ZNF469: variants seen among roughly 807,000 people sequenced by gnomAD.
ZNF469 encodes zinc finger protein 469.
ZNF469 carries 1 observed loss-of-function variant against 1.0 expected under a neutral mutation model. The observed-to-expected ratio is 1.00, with a 90% confidence interval of 0.35 to 4.73. ZNF469 has a LOEUF of 4.73. ZNF469 is among the 30% of genes most tolerant of loss of function. The probability of loss-of-function intolerance (pLI) is 0.16; values close to 1 mark genes in which losing one functional copy is unlikely to be tolerated. For missense variants in ZNF469, 6,100 were observed against 5,356.3 expected (o/e 1.14, Z -4.33); for synonymous variants, 2,703 against 2,363.4 (o/e 1.14, Z -4.17).
chr16:88,247,795 G>A, the ZNF469 span, among the ~76,000 whole-genome samples: 1 of 151,992 alleles, frequency 6.6e-6, no homozygotes, highest in African/African-American at 2.4e-5. Context: ...GTGAGTAAAT[G>A]AGTGAATGAG....
chr16:88,184,211 T>G, the ZNF469 span, among the ~76,000 whole-genome samples: 1 of 152,022 alleles, frequency 6.6e-6, no homozygotes, highest in Non-Finnish European at 1.5e-5. Flanking sequence ...CTCAGCTCCG[T>G]GCCAGGGAAG....
intron 1 of ZNF469, among the ~76,000 whole-genome samples, chr16:88,390,526 C>T (rs1904457173): frequency 6.6e-6 from 1 of 152,252 alleles, no homozygotes; most frequent in Non-Finnish European, 1.5e-5. Flanking sequence ...CACTTGGACA[C>T]AACCTCCAGG....
chr16:88,177,252 G>A, the ZNF469 span: 4 of 152,152 alleles, frequency 2.6e-5, no homozygotes, highest in East Asian at 1.9e-4. The surrounding 1 kb of genome is among the most constrained non-coding windows in gnomAD (Gnocchi z 4.8). Flanking sequence ...TATACACACC[G>A]CGGGCCTGAC....
At chr16:88,418,085 C>A (rs1476100020) in intron 1 of ZNF469, among the ~76,000 whole-genome samples, 1 of 152,214 alleles carries the variant, frequency 6.6e-6, no homozygotes, top group Non-Finnish European at 1.5e-5. Context: ...ATAACAGCTG[C>A]CCCAGCTGGA....
At chr16:88,114,441 G>GGGT in the ZNF469 span, among the ~76,000 whole-genome samples, 78 of 149,774 alleles carry the variant, frequency 5.2e-4, no homozygotes, top group African/African-American at 1.7e-3. Flanking sequence ...GGGGTCTCCG[G>GGGT]GGAGAATGAC....
chr16:88,301,965 T>C, the ZNF469 span, among the ~76,000 whole-genome samples: 1 of 152,180 alleles, frequency 6.6e-6, no homozygotes, highest in Non-Finnish European at 1.5e-5. Context: ...TTGTTACATA[T>C]ACATTGTTGT....
the ZNF469 span, among the ~76,000 whole-genome samples, chr16:88,221,205 T>A: frequency 6.6e-6 from 1 of 152,138 alleles, no homozygotes; most frequent in African/African-American, 2.4e-5. Context: ...GGGCTTCGGG[T>A]AAGGACAGAC....
At chr16:88,289,764 A>T in the ZNF469 span, among the ~76,000 whole-genome samples, 2 of 152,178 alleles carry the variant, frequency 1.3e-5, no homozygotes, top group African/African-American at 2.4e-5. Context: ...CTGGTAACAG[A>T]TGTTAGAAAT....
chr16:88,239,713 ATATTTTTTTTTTTTTTTTT>A, the ZNF469 span, among the ~76,000 whole-genome samples: 3 of 3,994 alleles, frequency 7.5e-4, no homozygotes, highest in African/African-American at 2.2e-3. Flanking sequence ...ATATATATAT[ATATTTTTTTTTTTTTTTTT>A]TTTTTTTTTA....
chr16:88,429,111 G>C lies in ZNF469; in HGVS notation c.1641G>C (p.Leu547=), dbSNP rs1262974640. Residue 547 remains leucine, a synonymous_variant, in exon 3 of 3, where the codon CTG becomes CTC. Transcript: ENST00000565624. ...GCAGCCAGGGCGGCTCCCCAGCACTGTTCACCTACAACGGAATGACAGACC... is the reference window on the plus strand; with the variant it reads ...GCAGCCAGGGCGGCTCCCCAGCACTCTTCACCTACAACGGAATGACAGACC... ...VRSSQGGSPA[L]FTYNGMTDPG... is the part of the protein sequence containing the mutation. 17 of 1,549,984 alleles carry C rather than the reference G, an allele frequency of 1.1e-5. No individual in the cohort carries two copies. The highest frequency in any genetic ancestry group is 1.5e-5 in the Non-Finnish European group (17 of 1,146,876).
the ZNF469 span, among the ~76,000 whole-genome samples, chr16:88,288,217 T>C: frequency 4.6e-5 from 7 of 152,124 alleles, no homozygotes; most frequent in Non-Finnish European, 1.0e-4. Context: ...GCTTCCTAGA[T>C]CCATGCCCTT....
At chr16:88,258,976 C>T in the ZNF469 span, among the ~76,000 whole-genome samples, 1 of 150,896 alleles carries the variant, frequency 6.6e-6, no homozygotes, top group Non-Finnish European at 1.5e-5. Flanking sequence ...AGAAGACACA[C>T]GTGCCTCACC....
chr16:88,384,243 C>T (rs924148043), intron 1 of ZNF469, among the ~76,000 whole-genome samples: 5 of 152,176 alleles, frequency 3.3e-5, no homozygotes. Context: ...GCACAGCACG[C>T]GGTAGTGTCG....
At chr16:88,185,726 A>C in the ZNF469 span, among the ~76,000 whole-genome samples, 1 of 142,974 alleles carries the variant, frequency 7.0e-6, no homozygotes, top group East Asian at 2.1e-4. Flanking sequence ...TAGTACATGC[A>C]TACACACGCA....
In ZNF469 at chr16:88,431,982, TGAG is replaced by T; in HGVS notation, c.4515_4517del (p.Glu1506del). ...CACCGTACCCCTCTTTTTTGCTGCT[TGAG>T]GAAGTATCCCCGATGCTGCCTAGCC... is the stretch of plus-strand genomic sequence containing the variant. On this transcript the variant is annotated inframe_deletion, in exon 3 of 3. Transcript: ENST00000565624. 6.5e-7 allele frequency: 1 copy of T among 1,549,712 alleles called. No homozygotes were observed.
At chr16:88,380,518 C>T (rs2092519194), upstream of ZNF469, among the ~76,000 whole-genome samples, 4 of 116,768 alleles carry the variant, frequency 3.4e-5, no homozygotes, top group South Asian at 1.1e-3. Context: ...GACATGCACA[C>T]ACACGCACTA....
At chr16:88,161,818 C>T in the ZNF469 span, among the ~76,000 whole-genome samples, 2 of 152,202 alleles carry the variant, frequency 1.3e-5, no homozygotes, top group South Asian at 2.1e-4. Flanking sequence ...TTGCGTGGCT[C>T]GTGGACTTGG....
At chr16:88,375,727 C>T in the ZNF469 span, among the ~76,000 whole-genome samples, 6 of 152,270 alleles carry the variant, frequency 3.9e-5, no homozygotes, top group Admixed American at 2.0e-4. Flanking sequence ...GGCCTGGTCA[C>T]ATCTGACCAC....
the ZNF469 span, among the ~76,000 whole-genome samples, chr16:88,288,984 G>T: frequency 6.6e-6 from 1 of 152,158 alleles, no homozygotes; most frequent in Non-Finnish European, 1.5e-5. Flanking sequence ...ATAGTACAGT[G>T]GTGGTGATGA....
Sources: allele counts gnomAD v4.1 joint callset (sites outside exome capture counted in the v4.1 genomes callset), GRCh38; gene constraint gnomAD v4.1.1; non-coding constraint Gnocchi (gnomAD v3.1); transcripts MANE v1.5; gene names NCBI Gene and HGNC (gene_info 2026-07-23, HGNC 2026-07-21).